NRG1: variants seen among roughly 807,000 people sequenced by gnomAD.
The protein encoded by NRG1 is neuregulin 1, also known as pro-neuregulin-1, membrane-bound isoform.
Under a neutral mutation model 63.8 loss-of-function variants are expected in NRG1, and 18 were observed. The observed-to-expected ratio is 0.28, with a 90% CI of 0.19 to 0.42. The LOEUF (loss-of-function observed/expected upper bound fraction) is 0.42. Ranked by LOEUF, NRG1 falls within the 10% of genes least tolerant of loss-of-function variation. The probability of loss-of-function intolerance (pLI) is 1.00; values close to 1 mark genes in which losing one functional copy is unlikely to be tolerated. For synonymous variants in NRG1, 302 were observed against 301.3 expected (o/e 1.00, Z -0.02); for missense variants, 762 against 814.7 (o/e 0.94, Z 0.79).
intron 1 of NRG1, among the ~76,000 whole-genome samples, chr8:32,589,008 G>C (rs909311333): frequency 6.6e-6 from 1 of 152,150 alleles, no homozygotes; most frequent in Non-Finnish European, 1.5e-5. Context: ...AACAAATAAT[G>C]ATCTTGTTGG....
chr8:31,855,022 T>G (rs1294282649), intron 1 of NRG1, among the ~76,000 whole-genome samples: 3 of 152,204 alleles, frequency 2.0e-5, no homozygotes, highest in Non-Finnish European at 4.4e-5. Flanking sequence ...GAGGAGAGCT[T>G]TACCTCCAAG....
At chr8:31,703,134 A>C (rs1166408635) in intron 1 of NRG1, among the ~76,000 whole-genome samples, 1 of 149,780 alleles carries the variant, frequency 6.7e-6, no homozygotes, top group Non-Finnish European at 1.5e-5. Context: ...AAATATAAAT[A>C]GATCTAAGAA....
chr8:32,627,409 A>G (rs577042322), intron 5 of NRG1, among the ~76,000 whole-genome samples: 12 of 152,190 alleles, frequency 7.9e-5, no homozygotes, highest in Non-Finnish European at 1.6e-4. Context: ...TGCAAAGGCT[A>G]TGTTACATAT....
chr8:31,796,165 CAT>C (rs1821184138), intron 1 of NRG1, among the ~76,000 whole-genome samples: 1 of 152,120 alleles, frequency 6.6e-6, no homozygotes, highest in Admixed American at 6.5e-5. Flanking sequence ...GGGACATTCT[CAT>C]ATGTTAAGAC....
intron 1 of NRG1, among the ~76,000 whole-genome samples, chr8:32,217,015 C>T (rs1845301952): frequency 6.6e-6 from 1 of 151,838 alleles, no homozygotes; most frequent in South Asian, 2.1e-4. Context: ...GAGTTCAAGA[C>T]CAGCCTGGCC....
At chr8:31,907,452 C>G (rs1047022821) in intron 1 of NRG1, among the ~76,000 whole-genome samples, 7 of 150,384 alleles carry the variant, frequency 4.7e-5, no homozygotes, top group Non-Finnish European at 2.9e-5. Flanking sequence ...ATGTAGTTCT[C>G]GAGAGTTATA....
intron 1 of NRG1, among the ~76,000 whole-genome samples, chr8:32,284,910 C>T (rs954095792): frequency 5.9e-5 from 9 of 151,996 alleles, no homozygotes; most frequent in Non-Finnish European, 1.0e-4. Context: ...CTCTCTGGGG[C>T]GGAATGGAAT....
chr8:31,665,763 C>A (rs1236010666), intron 1 of NRG1, among the ~76,000 whole-genome samples: 1 of 151,722 alleles, frequency 6.6e-6, no homozygotes, highest in Non-Finnish European at 1.5e-5. Flanking sequence ...TTGCGTTTAT[C>A]CTGGATGCCT....
chr8:32,571,307 G>A (rs1304961113), intron 1 of NRG1, among the ~76,000 whole-genome samples: 3 of 152,066 alleles, frequency 2.0e-5, no homozygotes, highest in African/African-American at 4.8e-5. Context: ...TTGCAGCTTG[G>A]GATGCTTGTA....
At chr8:32,492,435 T>TTC (rs1554559381) in intron 1 of NRG1, among the ~76,000 whole-genome samples, 1 of 151,660 alleles carries the variant, frequency 6.6e-6, no homozygotes, top group Non-Finnish European at 1.5e-5. Flanking sequence ...TTTTTTTTTT[T>TTC]CTGTAGAAAG....
intron 1 of NRG1, among the ~76,000 whole-genome samples, chr8:32,337,414 C>T (rs946213407): frequency 1.3e-5 from 2 of 151,868 alleles, no homozygotes; most frequent in Admixed American, 6.6e-5. Flanking sequence ...TATGTAAGTA[C>T]CACTAAGATG....
chr8:32,354,119 A>C (rs1053263241), intron 1 of NRG1, among the ~76,000 whole-genome samples: 4 of 152,208 alleles, frequency 2.6e-5, no homozygotes, highest in Non-Finnish European at 4.4e-5. Flanking sequence ...CTGTAATCCC[A>C]GTACTTTGGG....
chr8:31,776,699 C>T (rs916845090), intron 1 of NRG1, among the ~76,000 whole-genome samples: 1 of 152,096 alleles, frequency 6.6e-6, no homozygotes, highest in African/African-American at 2.4e-5. Context: ...TCCCCCTACC[C>T]CACAACAGTC....
intron 1 of NRG1, among the ~76,000 whole-genome samples, chr8:31,844,874 C>A (rs1192966950): frequency 1.3e-5 from 2 of 151,552 alleles, no homozygotes; most frequent in Non-Finnish European, 2.9e-5. Context: ...GTAATCCCAG[C>A]ACTTTGGGAG....
intron 5 of NRG1, among the ~76,000 whole-genome samples, chr8:32,659,856 C>T (rs753731161): frequency 5.1e-4 from 78 of 152,230 alleles, no homozygotes; most frequent in South Asian, 1.5e-3. Flanking sequence ...ACAGTCTCTC[C>T]TCTCCCAAAT....
intron 1 of NRG1, among the ~76,000 whole-genome samples, chr8:31,696,811 C>A (rs541254276): frequency 6.6e-6 from 1 of 152,222 alleles, no homozygotes; most frequent in Non-Finnish European, 1.5e-5. Context: ...GACTTCAGCC[C>A]AGGGGTCCTT....
intron 1 of NRG1, among the ~76,000 whole-genome samples, chr8:32,413,877 C>A (rs2129485649): frequency 6.6e-6 from 1 of 151,664 alleles, no homozygotes; most frequent in East Asian, 1.9e-4. Context: ...TGAACTGGGA[C>A]ACAGGTATAG....
intron 1 of NRG1, among the ~76,000 whole-genome samples, chr8:32,117,068 G>T (rs1832825590): frequency 6.6e-6 from 1 of 151,684 alleles, no homozygotes; most frequent in South Asian, 2.1e-4. Context: ...CTTGAGCCCA[G>T]GAGGTCCAGG....
intron 1 of NRG1, among the ~76,000 whole-genome samples, chr8:31,658,458 T>C (rs1158456835): frequency 6.6e-6 from 1 of 152,114 alleles, no homozygotes; most frequent in Non-Finnish European, 1.5e-5. Flanking sequence ...CAGTGGTAAG[T>C]GCCTTCTTTC....
Sources: gnomAD v4.1 joint callset for allele counts (sites outside exome capture counted in the v4.1 genomes callset) on GRCh38, gnomAD v4.1.1 for gene constraint, MANE v1.5 for transcripts, NCBI Gene and HGNC (gene_info 2026-07-23, HGNC 2026-07-21) for gene names.